C7orf25: variants seen among roughly 807,000 people sequenced by gnomAD.
C7orf25 encodes UPF0415 protein C7orf25.
A neutral mutation model predicts 25.5 loss-of-function variants in C7orf25; 14 were observed. The ratio of observed to expected loss-of-function variants is 0.55; its 90% confidence interval spans 0.36 to 0.86. The LOEUF is 0.86. Ranked by LOEUF, C7orf25 falls within the 40% of genes least tolerant of loss-of-function variation. The pLI is 0.01. For synonymous variants in C7orf25, 184 were observed against 179.9 expected, an observed-to-expected ratio of 1.02 and a Z score of -0.18; for missense variants, 405 against 493.9, an observed-to-expected ratio of 0.82 and a Z score of 1.71.
At position 42,911,999 on chromosome 7, in the gene C7orf25, C is replaced by T. The variant is rs560809702; in HGVS notation, c.-106G>A. ...CGCCGGGAAATCTCAACCGGGCAGC[C>T]CCCACCCCGCTCGAACGCCGAGGCG... is the stretch of plus-strand genomic sequence containing the variant. On this transcript the variant is annotated 5_prime_UTR_variant, in exon 1 of 2. Transcript: ENST00000350427. The T allele has an allele frequency of 2.5e-5, 37 of 1,489,252 alleles. No individual in the cohort carries two copies. The African/African-American group carries it at 4.2e-4, about 17-fold the overall frequency. The allele number at this position is 1,489,252 out of a possible 1,614,324, so 92.3% of individuals were successfully genotyped here. A position where few individuals can be genotyped will look rare whatever the true frequency, so the allele number is the denominator to read the frequency against.
Position 42,911,799 on chromosome 7 carries a change from GC to G in C7orf25, c.-22+115del, listed in dbSNP as rs1003954407. The G allele has an allele frequency of 3.9e-6, 5 of 1,280,804 alleles. No individual in the cohort carries two copies. In the African/African-American group the frequency reaches 6.2e-5, roughly 16 times the overall value. 79.3% of individuals were successfully genotyped at this position (1,280,804 alleles called of 1,614,324 possible). Reference sequence around the variant, plus strand: ...GCCAGCGCCGCGGCTCAGGGACCAGGCGCTGATAGCGCGCGGCCGACCCCCT... The same window carrying G: ...GCCAGCGCCGCGGCTCAGGGACCAGGGCTGATAGCGCGCGGCCGACCCCCT... On this transcript the variant is annotated intron_variant, in intron 1 of 1. Coordinates refer to ENST00000350427, the MANE Select transcript of C7orf25 (RefSeq NM_001099858.2).
Position 42,909,381 on chromosome 7 carries a change from AG to A in C7orf25, c.*253del, listed in dbSNP as rs373679683. 1 of 419,666 alleles carries A rather than the reference AG, an allele frequency of 2.4e-6. No individual in the cohort carries two copies. The highest frequency in any genetic ancestry group is 2.0e-5 in the African/African-American group (1 of 49,274). 26.0% of individuals were successfully genotyped at this position (419,666 alleles called of 1,614,324 possible). A position where few individuals can be genotyped will look rare whatever the true frequency, so the allele number is the denominator to read the frequency against. ...CTATCGAATCAAAGTATTACAATAC[AG>A]CTGAAAGCTTTATATAGACGTATTT... On this transcript the variant is annotated 3_prime_UTR_variant, in exon 2 of 2. Coordinates refer to ENST00000350427, the MANE Select transcript of C7orf25 (RefSeq NM_001099858.2).
At chr7:42,911,806 T>C (rs7801258) in intron 1 of C7orf25, 109 bp downstream of exon 1, 104 of 1,280,696 alleles carry the variant, frequency 8.1e-5, no homozygotes, top group Non-Finnish European at 1.0e-4. Context: ...CAGGCGCTGA[T>C]AGCGCGCGGC....
Position 42,910,407 on chromosome 7 carries a change from A to C in C7orf25, c.494T>G (p.Ile165Ser). The C allele has an allele frequency of 6.2e-7, 1 of 1,614,202 alleles. No homozygotes were observed. Among genetic ancestry groups the C allele is most frequent in the Non-Finnish European group, 8.5e-7 (1 of 1,180,036 alleles). Reference sequence around the variant, plus strand: ...GACACTGTTGTAAAATGCAAAGATGATGTGAGGGTTGCTATACTGCACTGG... The same window carrying C: ...GACACTGTTGTAAAATGCAAAGATGCTGTGAGGGTTGCTATACTGCACTGG... ...QQPVQYSNPH[I>S]IFAFYNSVSS... Residue 165 changes from isoleucine (I) to serine (S), a missense_variant, in exon 2 of 2, where the codon ATC becomes AGC. By Grantham distance (142) the Ile-to-Ser change is moderately radical (BLOSUM62 -2). Coordinates refer to ENST00000350427, the MANE Select transcript of C7orf25 (RefSeq NM_001099858.2).
At chr7:42,911,064 G>A in intron 1 of C7orf25, 143 bp from the exon 2 acceptor site, 1 of 1,337,654 alleles carries the variant, frequency 7.5e-7, no homozygotes, top group Non-Finnish European at 1.0e-6. Context: ...GTCTCATTCT[G>A]GAGTGACTGC....
Position 42,909,939 on chromosome 7 carries a change from G to C in C7orf25, c.962C>G (p.Pro321Arg). Residue 321 changes from proline to arginine, a missense_variant, in exon 2 of 2, where the codon CCT (proline) becomes CGT (arginine). Transcript: ENST00000350427. Reference protein sequence around the residue: ...FQSILDTLGGPGERERATVLI... With the variant: ...FQSILDTLGGRGERERATVLI... ...CACAGTGGCCCTCTCTCTCTCCCCAGGTCCTCCTAAGGTATCTAAAATAGA... is the reference window on the plus strand; with the variant it reads ...CACAGTGGCCCTCTCTCTCTCCCCACGTCCTCCTAAGGTATCTAAAATAGA... 2 of 1,614,114 alleles carry C rather than the reference G, an allele frequency of 1.2e-6. No individual in the cohort carries two copies. Among genetic ancestry groups the C allele is most frequent in the Non-Finnish European group, 1.7e-6 (2 of 1,180,030 alleles).
In C7orf25 at chr7:42,911,974, C is replaced by T; in HGVS notation, c.-81G>A. On this transcript the variant is annotated 5_prime_UTR_variant, in exon 1 of 2. Coordinates refer to ENST00000350427, the MANE Select transcript of C7orf25 (RefSeq NM_001099858.2). The stretch of plus-strand genomic sequence containing the variant: ...GCGCGTGCACGCAGAGGCCGGGACC[C>T]GCCGGGAAATCTCAACCGGGCAGCC... The T allele has an allele frequency of 1.3e-6, 2 of 1,496,774 alleles. No homozygotes were observed. Among genetic ancestry groups the T allele is most frequent in the Non-Finnish European group, 1.8e-6 (2 of 1,131,320 alleles). 92.7% of individuals were successfully genotyped at this position (1,496,774 alleles called of 1,614,324 possible).
rs1294203259 is a variant in C7orf25, at chr7:42,910,197, G to T, written c.704C>A (p.Ala235Glu). The T allele has an allele frequency of 1.9e-6, 3 of 1,614,140 alleles. No individual in the cohort carries two copies. The highest frequency in any genetic ancestry group is 2.2e-5 in the East Asian group (1 of 44,890). Residue 235 changes from alanine to glutamate, a missense_variant, in exon 2 of 2, where the codon GCG (alanine) becomes GAG (glutamate). Ala to Glu is a moderately radical substitution (Grantham distance 107). Transcript: ENST00000350427. ...ATCGACCTTAATTTCTGTTGGAAAC[G>T]CAACACTTGCTAGTATATTTTCTCG... ...VDRENILASVAFPTEIKVDVC... is the reference protein window; with the variant it reads ...VDRENILASVEFPTEIKVDVC...
At chr7:42,911,750 G>A in intron 1 of C7orf25, 165 bp downstream of exon 1, 1 of 1,225,974 alleles carries the variant, frequency 8.2e-7, no homozygotes, top group Non-Finnish European at 1.0e-6. Flanking sequence ...TGCCAGGAGG[G>A]GCCGGGGCCG....
chr7:42,911,176 T>C (rs1481806798), intron 1 of C7orf25: 4 of 727,118 alleles, frequency 5.5e-6, no homozygotes, highest in Middle Eastern at 3.3e-4. Context: ...TTGAAAGCCA[T>C]GGGGACACAG....
At chr7:42,911,735 G>A in intron 1 of C7orf25, 180 bp downstream of exon 1, 7 of 1,209,390 alleles carry the variant, frequency 5.8e-6, no homozygotes, top group South Asian at 3.8e-5. Context: ...TGCACAGCCG[G>A]GCCCTGCCAG....
Position 42,909,695 on chromosome 7 carries a change from CTCAG to C in C7orf25, c.1202_1205del (p.Thr401ArgfsTer6). ...AGGGGGTGGCTAGAGCCTCTTTACTCTCAGTAAGTGCTCTGGGCTGATGGATAAA... is the reference window on the plus strand; with the variant it reads ...AGGGGGTGGCTAGAGCCTCTTTACTCTAAGTGCTCTGGGCTGATGGATAAA... On this transcript the variant is annotated frameshift_variant, in exon 2 of 2. Coordinates refer to ENST00000350427, the MANE Select transcript of C7orf25 (RefSeq NM_001099858.2). LOFTEE classifies it high-confidence loss of function. 1 of 1,614,176 alleles carries C rather than the reference CTCAG, an allele frequency of 6.2e-7. No homozygotes were observed. The highest frequency in any genetic ancestry group is 8.5e-7 in the Non-Finnish European group (1 of 1,180,020).
intron 1 of C7orf25, 21 bp downstream of exon 1, chr7:42,911,894 C>A (rs1395418026): frequency 7.0e-7 from 1 of 1,430,464 alleles, no homozygotes; most frequent in South Asian, 1.4e-5. Flanking sequence ...AGCCTCCCCG[C>A]CTCGCTCCCC....
intron 1 of C7orf25, chr7:42,911,690 G>T (rs1489269555): frequency 1.7e-6 from 2 of 1,155,860 alleles, no homozygotes; most frequent in Non-Finnish European, 2.1e-6. Context: ...GGCCTTCTCG[G>T]TGGGCTGCGG....
At chr7:42,911,661 G>C in intron 1 of C7orf25, 2 of 1,118,814 alleles carry the variant, frequency 1.8e-6, no homozygotes, top group Non-Finnish European at 2.2e-6. Context: ...CGCCGGGTGG[G>C]CGGGCCAGAG....
intron 1 of C7orf25, chr7:42,911,179 G>A (rs2128671913): frequency 7.0e-6 from 5 of 717,182 alleles, no homozygotes; most frequent in Non-Finnish European, 9.4e-6. Flanking sequence ...AAAGCCATGG[G>A]GACACAGCAT....
chr7:42,911,304 T>G, intron 1 of C7orf25: 1 of 1,030,808 alleles, frequency 9.7e-7, no homozygotes, highest in African/African-American at 1.7e-5. Context: ...GCGACAAAAA[T>G]GCCGAAAACA....
chr7:42,910,552 C>G lies in C7orf25; in HGVS notation c.349G>C (p.Val117Leu), dbSNP rs947930995. 6.2e-7 allele frequency: 1 copy of G among 1,614,092 alleles called. No individual in the cohort carries two copies. The highest frequency in any genetic ancestry group is 8.5e-7 in the Non-Finnish European group (1 of 1,180,056). The part of the protein sequence containing the change: ...DVVANGGHTW[V>L]KAIGRKAEAL... ...TCAGCCTTCCGGCCAATGGCTTTCACCCAAGTATGACCACCATTTGCAACT... is the reference window on the plus strand; with the variant it reads ...TCAGCCTTCCGGCCAATGGCTTTCAGCCAAGTATGACCACCATTTGCAACT... Residue 117 changes from valine (V) to leucine (L), a missense_variant, in exon 2 of 2, where the codon GTG (valine) becomes CTG (leucine). Physicochemically the swap from Val to Leu is conservative, Grantham distance 32. Transcript: ENST00000350427.
Position 42,909,533 on chromosome 7 carries a change from G to T in C7orf25, c.*102C>A, listed in dbSNP as rs550619961. On this transcript the variant is annotated 3_prime_UTR_variant, in exon 2 of 2. Coordinates refer to ENST00000350427, the MANE Select transcript of C7orf25 (RefSeq NM_001099858.2). ...AACTCTACTGGTTTAAGAGTTCTCA[G>T]TTTTACTTTTACTATAGACCTTTTT... 102 of 1,270,320 alleles carry T rather than the reference G, an allele frequency of 8.0e-5. 1 individual carries two copies. In the East Asian group the frequency reaches 1.6e-3, roughly 20 times the overall value. The allele number at this position is 1,270,320 out of a possible 1,614,324, so 78.7% of individuals were successfully genotyped here.
Sources: gnomAD v4.1 joint callset for allele counts on GRCh38, gnomAD v4.1.1 for gene constraint, MANE v1.5 for transcripts, NCBI Gene and HGNC (gene_info 2026-07-23, HGNC 2026-07-21) for gene names.